ZNF782: variants seen among roughly 807,000 people sequenced by gnomAD.
ZNF782 encodes zinc finger protein 782.
ZNF782 carries 12 observed loss-of-function variants against 13.0 expected under a neutral mutation model. The ratio of observed to expected loss-of-function variants is 0.92; its 90% confidence interval spans 0.59 to 1.50. ZNF782 has a LOEUF of 1.50. Among genes scored for constraint, ZNF782 ranks in the 40% most tolerant of loss-of-function variants. The pLI, the probability that ZNF782 is intolerant of heterozygous loss-of-function variation, is 0.00. For synonymous variants in ZNF782, 284 were observed against 283.0 expected, an observed-to-expected ratio of 1.00 and a Z score of -0.04; for missense variants, 770 against 822.9, an observed-to-expected ratio of 0.94 and a Z score of 0.79.
chr9:96,899,227 G>A, the ZNF782 span, among the ~76,000 whole-genome samples: 3 of 151,288 alleles, frequency 2.0e-5, no homozygotes, highest in Non-Finnish European at 4.4e-5. Flanking sequence ...CTCAAGCCTA[G>A]GTGACAGAGT....
upstream of ZNF782, among the ~76,000 whole-genome samples, chr9:96,855,442 T>C (rs1220932931): frequency 6.6e-6 from 1 of 152,202 alleles, no homozygotes; most frequent in Non-Finnish European, 1.5e-5. Context: ...CCAAAGCCCA[T>C]TGTGTTATTC....
At chr9:96,893,620 G>A in the ZNF782 span, 1 of 152,022 alleles carries the variant, frequency 6.6e-6, no homozygotes, top group Non-Finnish European at 1.5e-5. Flanking sequence ...CAAAGACTTG[G>A]AACCAACCCA....
the ZNF782 span, among the ~76,000 whole-genome samples, chr9:96,917,426 C>T: frequency 1.3e-5 from 2 of 151,774 alleles, no homozygotes; most frequent in African/African-American, 4.8e-5. Flanking sequence ...CATGGAAATT[C>T]GTTTAGTAAA....
chr9:96,887,330 G>GAAGGAAGGAAGA, the ZNF782 span: 145 of 138,090 alleles, frequency 1.1e-3, 1 homozygote, highest in African/African-American at 3.6e-3. Context: ...AGGAAGGAAG[G>GAAGGAAGGAAGA]AAGGAAGGAA....
Position 96,817,864 on chromosome 9 carries a change from TGTATTGTGA to T in ZNF782, c.*50_*58del. On this transcript the variant is annotated 3_prime_UTR_variant, in exon 6 of 6. Transcript: ENST00000481138. ...CAGTTCTCTCCTGTGTGTTCATTTA[TGTATTGTGA>T]GGTTTGATTTCCAGCTCAGAGTTTT... is the stretch of plus-strand genomic sequence containing the variant. 1 of 1,420,526 alleles carries T rather than the reference TGTATTGTGA, an allele frequency of 7.0e-7. No individual in the cohort carries two copies. The highest frequency in any genetic ancestry group is 2.3e-5 in the Admixed American group (1 of 42,792). 88.0% of individuals were successfully genotyped at this position (1,420,526 alleles called of 1,614,324 possible). A position where few individuals can be genotyped will look rare whatever the true frequency, so the allele number is the denominator to read the frequency against.
At chr9:96,876,101 G>T (rs1376020094), upstream of ZNF782, among the ~76,000 whole-genome samples, 1 of 152,180 alleles carries the variant, frequency 6.6e-6, no homozygotes, top group Non-Finnish European at 1.5e-5. Flanking sequence ...CTTTGCTGCC[G>T]AATACGGTGC....
At chr9:96,834,617 G>A (rs1850925779) in intron 4 of ZNF782, among the ~76,000 whole-genome samples, 2 of 152,176 alleles carry the variant, frequency 1.3e-5, no homozygotes, top group Non-Finnish European at 2.9e-5. Flanking sequence ...ATGAGTTGAA[G>A]CAGCATGACG....
At chr9:96,878,025 GTTATT>G (rs893102915), upstream of ZNF782, among the ~76,000 whole-genome samples, 3 of 152,122 alleles carry the variant, frequency 2.0e-5, no homozygotes, top group Non-Finnish European at 4.4e-5. Context: ...TTGTTAACTT[GTTATT>G]TTATTCTCCT....
chr9:96,880,925 T>G, the ZNF782 span, among the ~76,000 whole-genome samples: 1 of 152,188 alleles, frequency 6.6e-6, no homozygotes, highest in African/African-American at 2.4e-5. Context: ...GATTTCCTTT[T>G]CAGCATGTTT....
chr9:96,877,635 C>T (rs1168562839), upstream of ZNF782, among the ~76,000 whole-genome samples: 1 of 152,218 alleles, frequency 6.6e-6, no homozygotes, highest in Non-Finnish European at 1.5e-5. Flanking sequence ...GGCTGGGGTT[C>T]GGGCGGGGTC....
the ZNF782 span, chr9:96,894,457 TC>T: frequency 6.6e-6 from 1 of 152,168 alleles, no homozygotes; most frequent in African/African-American, 2.4e-5. Context: ...TCAGCAAGAA[TC>T]CTGTTAGGTC....
the ZNF782 span, chr9:96,887,323 A>AAGGGAGGGAGGGAGGG: frequency 5.9e-4 from 88 of 148,740 alleles, no homozygotes; most frequent in African/African-American, 2.2e-3. Context: ...GGAAGGAAGG[A>AAGGGAGGGAGGGAGGG]AGGAAGGAAG....
At chr9:96,868,183 A>G (rs1851781790) in intron 1 of ZNF782, among the ~76,000 whole-genome samples, 3 of 152,240 alleles carry the variant, frequency 2.0e-5, no homozygotes, top group Non-Finnish European at 2.9e-5. Flanking sequence ...ACAATAATCA[A>G]TTTGCATCAG....
Position 96,817,809 on chromosome 9 carries a change from T to C in ZNF782, c.*114A>G. 2 of 895,936 alleles carry C rather than the reference T, an allele frequency of 2.2e-6. No homozygotes were observed. 55.5% of individuals were successfully genotyped at this position (895,936 alleles called of 1,614,324 possible). A position where few individuals can be genotyped will look rare whatever the true frequency, so the allele number is the denominator to read the frequency against. Reference sequence around the variant, plus strand: ...TGATATTTGGTGGAGGCTGAAATTGTAGAGGAAATTCCAGTGCTCACTATG... The same window carrying C: ...TGATATTTGGTGGAGGCTGAAATTGCAGAGGAAATTCCAGTGCTCACTATG... On this transcript the variant is annotated 3_prime_UTR_variant, in exon 6 of 6. Transcript: ENST00000481138.
At chr9:96,883,656 T>C in the ZNF782 span, among the ~76,000 whole-genome samples, 1 of 152,134 alleles carries the variant, frequency 6.6e-6, no homozygotes, top group South Asian at 2.1e-4. Flanking sequence ...TTCAGAAAAT[T>C]CAGAAACCTT....
chr9:96,862,112 C>A lies in ZNF782; in HGVS notation c.-456-509G>T, dbSNP rs74824066. Among the ~76,000 whole-genome samples the A allele has an allele frequency of 9.2e-3, 1,403 of 152,226 alleles. 51 individuals carry two copies. The East Asian group carries it at 0.1, about 11-fold the overall frequency. ...GAGAATGAGATCCTGTTATTTGCAG[C>A]AACATGGATGGAAATGTTAAGTGAA... On this transcript the variant is annotated intron_variant, in intron 1 of 5. Coordinates refer to the ZNF782 transcript ENST00000498811.
chr9:96,866,949 AC>A (rs200868532), intron 1 of ZNF782, among the ~76,000 whole-genome samples: 1,702 of 152,160 alleles, frequency 0.011, 46 homozygotes, highest in African/African-American at 0.038. Context: ...CAATGCCTGT[AC>A]CCCCATTGTA....
intron 4 of ZNF782, among the ~76,000 whole-genome samples, chr9:96,828,259 T>C (rs1175734351): frequency 6.6e-6 from 1 of 152,168 alleles, no homozygotes; most frequent in Admixed American, 6.5e-5. Context: ...ACCAGAACGG[T>C]ACTGCTTTAG....
intron 3 of ZNF782, among the ~76,000 whole-genome samples, chr9:96,851,067 T>A (rs1851472531): frequency 1.3e-5 from 2 of 152,162 alleles, no homozygotes; most frequent in Admixed American, 1.3e-4. Context: ...AATATCTTAG[T>A]ATCTCATTTT....
Sources: allele counts gnomAD v4.1 joint callset (sites outside exome capture counted in the v4.1 genomes callset), GRCh38; gene constraint gnomAD v4.1.1; transcripts MANE v1.5; gene names NCBI Gene and HGNC (gene_info 2026-07-23, HGNC 2026-07-21).